CDYL: variants seen among roughly 807,000 people sequenced by gnomAD.
The protein encoded by CDYL is chromodomain Y like, also known as chromodomain Y-like protein.
Under a neutral mutation model 47.3 loss-of-function variants are expected in CDYL, and 8 were observed. That is an observed-to-expected ratio of 0.17 (90% CI 0.10 to 0.31). The LOEUF is 0.31. Ranked by LOEUF, CDYL falls within the 10% of genes least tolerant of loss-of-function variation. The pLI is 1.00. For missense variants in CDYL, 471 were observed against 701.4 expected, an observed-to-expected ratio of 0.67 and a Z score of 3.71; for synonymous variants, 266 against 265.0, an observed-to-expected ratio of 1.00 and a Z score of -0.04.
At chr6:4,909,748 T>A (rs1757351374) in intron 2 of CDYL, among the ~76,000 whole-genome samples, 1 of 151,800 alleles carries the variant, frequency 6.6e-6, no homozygotes, top group African/African-American at 2.4e-5. Flanking sequence ...TTTTTTTTTT[T>A]TATTTTTAGT....
Position 4,892,006 on chromosome 6 carries a change from A to G in CDYL, c.318A>G (p.Glu106=), listed in dbSNP as rs1215839468. The G allele has an allele frequency of 1.9e-6, 3 of 1,614,196 alleles. No individual in the cohort carries two copies. Among genetic ancestry groups the G allele is most frequent in the Non-Finnish European group, 2.5e-6 (3 of 1,180,030 alleles). The change falls in exon 2 of 7, where the codon GAA becomes GAG. Residue 106 remains glutamate (E), a synonymous_variant. Transcript: ENST00000397588. ...CACTCGTGATTGGGAAAGACCACGAATCCAAAAACAGCCAGCTGTTTGCTG... is the reference window on the plus strand; with the variant it reads ...CACTCGTGATTGGGAAAGACCACGAGTCCAAAAACAGCCAGCTGTTTGCTG... The part of the protein sequence containing the change: ...PKALVIGKDH[E]SKNSQLFAAS...
chr6:4,868,872 C>T lies in CDYL; in HGVS notation c.25-22841C>T, dbSNP rs375100001. 3.3e-5 allele frequency among the ~76,000 whole-genome samples: 5 copies of T among 152,294 alleles called. No homozygotes were observed. The South Asian group carries it at 1.0e-3, about 32-fold the overall frequency. ...TTGAAATACTGAAATACTTGAAATA[C>T]TGACTCTTTTACCATTATGAAATGT... is the stretch of plus-strand genomic sequence containing the variant. On this transcript the variant is annotated intron_variant, in intron 1 of 6. Transcript: ENST00000397588.
At chr6:4,860,242 A>G (rs1406396984) in intron 1 of CDYL, among the ~76,000 whole-genome samples, 1 of 152,066 alleles carries the variant, frequency 6.6e-6, no homozygotes, top group Non-Finnish European at 1.5e-5. Context: ...CTTCCAGCAA[A>G]AGAAAAACTT....
chr6:4,846,386 A>G (rs974029218), intron 1 of CDYL, among the ~76,000 whole-genome samples: 7 of 152,226 alleles, frequency 4.6e-5, no homozygotes, highest in African/African-American at 1.7e-4. Flanking sequence ...CATTGCTCCT[A>G]GAATGGCTTG....
intron 5 of CDYL, among the ~76,000 whole-genome samples, chr6:4,950,233 C>T (rs1366145518): frequency 1.3e-5 from 2 of 152,108 alleles, no homozygotes; most frequent in African/African-American, 4.8e-5. Flanking sequence ...GCAGGAAGGG[C>T]GGGAGAGGAA....
intron 1 of CDYL, chr6:4,889,903 T>C (rs1229023143): frequency 2.1e-6 from 2 of 942,476 alleles, no homozygotes; most frequent in African/African-American, 1.8e-5. Flanking sequence ...CTTTGCTCAA[T>C]TTCCTGAGGA....
At chr6:4,903,451 C>G (rs536088744) in intron 2 of CDYL, among the ~76,000 whole-genome samples, 2 of 152,284 alleles carry the variant, frequency 1.3e-5, no homozygotes, top group South Asian at 2.1e-4. Flanking sequence ...TCTTAAATGT[C>G]TTTTGATAAT....
intron 1 of CDYL, among the ~76,000 whole-genome samples, chr6:4,817,648 T>C (rs551771974): frequency 1.3e-5 from 2 of 152,318 alleles, no homozygotes; most frequent in African/African-American, 4.8e-5. Context: ...TTCTGCCCAG[T>C]GTTGTGTCTT....
chr6:4,754,302 T>G (rs1432489633), intron 3 of CDYL, among the ~76,000 whole-genome samples: 1 of 152,230 alleles, frequency 6.6e-6, no homozygotes, highest in Non-Finnish European at 1.5e-5. Context: ...ATGTGTTAAG[T>G]CATGAATGCA....
At chr6:4,809,135 C>G (rs1561647880) in intron 1 of CDYL, among the ~76,000 whole-genome samples, 1 of 152,084 alleles carries the variant, frequency 6.6e-6, no homozygotes, top group African/African-American at 2.4e-5. Flanking sequence ...TGCAAATCAA[C>G]AGATACATAT....
chr6:4,875,414 A>G (rs990942329), intron 1 of CDYL, among the ~76,000 whole-genome samples: 1 of 152,190 alleles, frequency 6.6e-6, no homozygotes, highest in Non-Finnish European at 1.5e-5. Context: ...GGAAAAATTG[A>G]CAAACAATAT....
At chr6:4,856,862 C>A (rs1297485914) in intron 1 of CDYL, among the ~76,000 whole-genome samples, 2 of 152,146 alleles carry the variant, frequency 1.3e-5, no homozygotes, top group African/African-American at 4.8e-5. Context: ...TTGCACATTT[C>A]CTCACTAATT....
chr6:4,733,704 T>C, intron 2 of CDYL, among the ~76,000 whole-genome samples: 1 of 152,160 alleles, frequency 6.6e-6, no homozygotes, highest in Admixed American at 6.5e-5. Flanking sequence ...AGATTAATTT[T>C]ATATTCGTTT....
chr6:4,894,965 ATG>A (rs1762171568), intron 2 of CDYL, among the ~76,000 whole-genome samples: 1 of 72,644 alleles, frequency 1.4e-5, no homozygotes, highest in Admixed American at 1.5e-4. Flanking sequence ...ATATATACGT[ATG>A]TGTATATGTG....
rs139221723 is a variant in CDYL, at chr6:4,790,296, A to G, written c.24+13489A>G. ...TGTATAGTGAGCAGTTAACAATGGG[A>G]CTTAATACTATGTGTAAGTGACCTT... is the stretch of plus-strand genomic sequence containing the variant. On this transcript the variant is annotated intron_variant, in intron 1 of 6. Transcript: ENST00000397588. 9.2e-3 allele frequency among the ~76,000 whole-genome samples: 1,404 copies of G among 152,320 alleles called. 19 individuals carry two copies. Among genetic ancestry groups the G allele is most frequent in the African/African-American group, 0.032 (1,333 of 41,560 alleles).
chr6:4,876,256 G>T (rs1761618210), intron 1 of CDYL, among the ~76,000 whole-genome samples: 1 of 152,280 alleles, frequency 6.6e-6, no homozygotes, highest in African/African-American at 2.4e-5. Context: ...TTGAAAACGT[G>T]TGCTGTTTCT....
intron 1 of CDYL, among the ~76,000 whole-genome samples, chr6:4,848,793 G>A (rs1396673364): frequency 2.6e-5 from 4 of 152,230 alleles, no homozygotes; most frequent in African/African-American, 9.6e-5. Flanking sequence ...AGTTGCGTTT[G>A]GTTGCCTGGA....
intron 1 of CDYL, among the ~76,000 whole-genome samples, chr6:4,840,836 AT>A (rs1209626791): frequency 1.3e-5 from 2 of 151,502 alleles, no homozygotes. Flanking sequence ...TTCATCAGCG[AT>A]TTTTTTGTTT....
At chr6:4,810,725 C>T (rs1051870000) in intron 1 of CDYL, among the ~76,000 whole-genome samples, 4 of 152,116 alleles carry the variant, frequency 2.6e-5, no homozygotes, top group African/African-American at 7.2e-5. Flanking sequence ...TGGTGCCTGG[C>T]GAGGGCTGCT....
Sources: allele counts gnomAD v4.1 joint callset (sites outside exome capture counted in the v4.1 genomes callset), GRCh38; gene constraint gnomAD v4.1.1; transcripts MANE v1.5; gene names NCBI Gene and HGNC (gene_info 2026-07-23, HGNC 2026-07-21).